CDAN1: variants seen among roughly 807,000 people sequenced by gnomAD.
CDAN1 encodes codanin-1.
A neutral mutation model predicts 139.8 loss-of-function variants in CDAN1; 107 were observed. That is an observed-to-expected ratio of 0.77 (90% confidence interval 0.65 to 0.90). The LOEUF (loss-of-function observed/expected upper bound fraction) is 0.90, where lower values mean the gene tolerates loss of function less well. CDAN1 is among the 40% of genes least tolerant of loss of function. The probability of loss-of-function intolerance (pLI) is 0.00; values close to 1 mark genes in which losing one functional copy is unlikely to be tolerated. For synonymous variants in CDAN1, 776 were observed against 660.6 expected (o/e 1.17, Z -2.68); for missense variants, 1,667 against 1,575.7 (o/e 1.06, Z -0.98).
intron 25 of CDAN1, 111 bp downstream of exon 25, chr15:42,725,975 CAAAAAAAAAAA>C (rs886492399): frequency 1.2e-4 from 42 of 354,188 alleles, no homozygotes; most frequent in Middle Eastern, 7.3e-4. Flanking sequence ...GATTCCGTCT[CAAAAAAAAAAA>C]AAAAAAAAAA....
intron 25 of CDAN1, 45 bp downstream of exon 25, chr15:42,726,052 T>G: frequency 6.5e-7 from 1 of 1,542,356 alleles, no homozygotes; most frequent in Non-Finnish European, 9.0e-7. Context: ...ACCCTGAGAT[T>G]TGGGGGATCA....
chr15:42,734,129 A>C (rs1169513542), intron 7 of CDAN1, 82 bp from the exon 8 acceptor site: 1 of 1,601,524 alleles, frequency 6.2e-7, no homozygotes, highest in Non-Finnish European at 8.6e-7. Flanking sequence ...GAGTTAGCTC[A>C]CATTACACTG....
At position 42,736,536 on chromosome 15, in the gene CDAN1, T is replaced by C; in HGVS notation, c.335A>G (p.Glu112Gly). ...PPTEAQSTAA[E>G]APLARRGGRR... Reference sequence around the variant, plus strand: ...GCCCCCGCGGCGGGCCAGAGGGGCCTCGGCAGCGGTGCTCTGGGCCTCGGT... The same window carrying C: ...GCCCCCGCGGCGGGCCAGAGGGGCCCCGGCAGCGGTGCTCTGGGCCTCGGT... The change falls in exon 2 of 28, where the codon GAG (glutamate) becomes GGG (glycine). Residue 112 changes from glutamate (E) to glycine (G), a missense_variant. Physicochemically the swap from Glu to Gly is moderately conservative, Grantham distance 98. Coordinates refer to ENST00000356231, the MANE Select transcript of CDAN1 (RefSeq NM_138477.4). 1 of 1,457,472 alleles carries C rather than the reference T, an allele frequency of 6.9e-7. No homozygotes were observed. The highest frequency in any genetic ancestry group is 9.0e-7 in the Non-Finnish European group (1 of 1,106,676). 90.3% of individuals were successfully genotyped at this position (1,457,472 alleles called of 1,614,324 possible). A position where few individuals can be genotyped will look rare whatever the true frequency, so the allele number is the denominator to read the frequency against.
chr15:42,724,911 A>G (rs2061502528), intron 27 of CDAN1: 1 of 618,328 alleles, frequency 1.6e-6, no homozygotes, highest in Non-Finnish European at 2.8e-6. Flanking sequence ...CTAATTTTAA[A>G]AACCCATATA....
At chr15:42,728,292 T>C in intron 20 of CDAN1, 25 bp from the exon 21 acceptor site, 1 of 1,612,308 alleles carries the variant, frequency 6.2e-7, no homozygotes, top group Non-Finnish European at 8.5e-7. Flanking sequence ...ATGGGGTCAG[T>C]GATCTCTGGG....
rs1158065486 is a variant in CDAN1, at chr15:42,729,689, G to A, written c.2353-67C>T. On this transcript the variant is annotated intron_variant, in intron 16 of 27. Transcript: ENST00000356231. Reference sequence around the variant, plus strand: ...AGCGCACCCAGAAAGCAGGCAGTTGGCAGGGCCTTTACAAGGGTTACATCT... The same window carrying A: ...AGCGCACCCAGAAAGCAGGCAGTTGACAGGGCCTTTACAAGGGTTACATCT... 3.8e-6 allele frequency: 6 copies of A among 1,599,722 alleles called. No homozygotes were observed. In the East Asian group the frequency reaches 1.1e-4, roughly 30 times the overall value.
chr15:42,727,193 A>AC (rs1555414458), intron 23 of CDAN1: 1 of 161,854 alleles, frequency 6.2e-6, no homozygotes, highest in Non-Finnish European at 1.3e-5. Context: ...GAGTTTTAAA[A>AC]TAAAGTTAGG....
intron 8 of CDAN1, among the ~76,000 whole-genome samples, chr15:42,733,709 C>T (rs2061646862): frequency 6.6e-6 from 1 of 152,176 alleles, no homozygotes; most frequent in Non-Finnish European, 1.5e-5. Context: ...GCTTGAGAAC[C>T]CTGAGACTAA....
chr15:42,736,429 C>T lies in CDAN1; in HGVS notation c.442G>A (p.Ala148Thr), dbSNP rs1020205987. 1.2e-5 allele frequency: 19 copies of T among 1,600,296 alleles called. No individual in the cohort carries two copies. In the African/African-American group the frequency reaches 2.4e-4, roughly 20 times the overall value. The change falls in exon 2 of 28, where the codon GCC becomes ACC. Residue 148 changes from alanine (A) to threonine (T), a missense_variant. Coordinates refer to ENST00000356231, the MANE Select transcript of CDAN1 (RefSeq NM_138477.4). ...EGVSGESLPGAGGRRLRGSGS... is the reference protein window; with the variant it reads ...EGVSGESLPGTGGRRLRGSGS... ...GAGCCCCTAAGCCTCCGGCCCCCGGCTCCGGGCAGGCTCTCCCCGCTGACC... is the reference window on the plus strand; with the variant it reads ...GAGCCCCTAAGCCTCCGGCCCCCGGTTCCGGGCAGGCTCTCCCCGCTGACC...
intron 8 of CDAN1, 125 bp from the exon 9 acceptor site, chr15:42,733,311 G>A (rs1030896655): frequency 1.3e-6 from 1 of 779,920 alleles, no homozygotes; most frequent in Non-Finnish European, 2.2e-6. Flanking sequence ...TCTTGCTCTT[G>A]TCACTCAGGC....
chr15:42,732,083 T>C (rs2061620541), intron 10 of CDAN1, among the ~76,000 whole-genome samples: 1 of 152,196 alleles, frequency 6.6e-6, no homozygotes. Context: ...CTGGGCTCTT[T>C]ACCACAGCAC....
chr15:42,736,975 G>A (rs1475168318), intron 1 of CDAN1, 38 bp downstream of exon 1: 8 of 1,530,048 alleles, frequency 5.2e-6, no homozygotes, highest in Non-Finnish European at 7.1e-6. Context: ...GCGGGAACCG[G>A]CTTCGAGTCA....
At position 42,724,446 on chromosome 15, in the gene CDAN1, T is replaced by G. The variant is rs774247916; in HGVS notation, c.*45A>C. The G allele has an allele frequency of 2.6e-6, 4 of 1,561,046 alleles. No homozygotes were observed. In the African/African-American group the frequency reaches 5.4e-5, roughly 21 times the overall value. ...CTTGGGCCTCCTCGTGAGGCGGGGGTCCAGGGTTCTGGTGCAATGCCCAAG... is the reference window on the plus strand; with the variant it reads ...CTTGGGCCTCCTCGTGAGGCGGGGGGCCAGGGTTCTGGTGCAATGCCCAAG... On this transcript the variant is annotated 3_prime_UTR_variant, in exon 28 of 28. Transcript: ENST00000356231.
Position 42,725,618 on chromosome 15 carries a change from T to C in CDAN1, c.3321A>G (p.Arg1107=). ...TGTGCAGAAGCCTTCGAGCCTGCCC[T>C]CTCTCCAGCCTGTACTGTGCCGGGG... ...LGPPAQYRLE[R]GQARRLLHML... Residue 1107 remains arginine (R), a synonymous_variant, in exon 26 of 28, where the codon AGA becomes AGG. Transcript: ENST00000356231. 9 of 1,614,108 alleles carry C rather than the reference T, an allele frequency of 5.6e-6. No homozygotes were observed. The highest frequency in any genetic ancestry group is 7.6e-6 in the Non-Finnish European group (9 of 1,180,008).
In CDAN1 at chr15:42,724,572, G is replaced by A. The variant is rs573902123; in HGVS notation, c.3603C>T (p.Ala1201=). 17 of 1,553,364 alleles carry A rather than the reference G, an allele frequency of 1.1e-5. No homozygotes were observed. In the East Asian group the frequency reaches 1.7e-4, roughly 16 times the overall value. ...GCTGGGGTTCTGGCAGGTGGGGCTC[G>A]GCTAGAAACAGATTAGACAGTGTTG... is the stretch of plus-strand genomic sequence containing the variant. ...ELATLSNLFL[A]EPHLPEPQLR... The change falls in exon 28 of 28, where the codon GCC becomes GCT. Residue 1201 remains alanine (A), a synonymous_variant. Transcript: ENST00000356231.
At position 42,731,049 on chromosome 15, in the gene CDAN1, AC is replaced by A; in HGVS notation, c.1882del (p.Val628TrpfsTer6). 2 of 1,614,186 alleles carry A rather than the reference AC, an allele frequency of 1.2e-6. No individual in the cohort carries two copies. Among genetic ancestry groups the A allele is most frequent in the Non-Finnish European group, 1.7e-6 (2 of 1,180,024 alleles). On this transcript the variant is annotated frameshift_variant, in exon 13 of 28. Transcript: ENST00000356231. LOFTEE classifies it high-confidence loss of function. ...CAAAAGTCTCAGGCTAAGAAGCACC[AC>A]AGCAAATTGCTTCCGCTCACCCTGC... ...DWQGERKQFA[V>X]VLLSLRLLAK...
At chr15:42,732,991 G>T in intron 9 of CDAN1, 106 bp downstream of exon 9, 2 of 889,052 alleles carry the variant, frequency 2.2e-6, no homozygotes, top group Non-Finnish European at 1.8e-6. Flanking sequence ...AACAGCTAAT[G>T]GCTGGTAGGA....
Position 42,727,592 on chromosome 15 carries a change from AAGCCAAAGGGAGTAGGGT to A in CDAN1, c.3096+11_3096+28del, listed in dbSNP as rs762364695. On this transcript the variant is annotated intron_variant, in intron 23 of 27. Transcript: ENST00000356231. ...ACAGAGCAGGGGGGTGGGAGCAGGGAAGCCAAAGGGAGTAGGGTAGCCGTGTACTTTTATCTCGGAGAT... is the reference window on the plus strand; with the variant it reads ...ACAGAGCAGGGGGGTGGGAGCAGGGAAGCCGTGTACTTTTATCTCGGAGAT... 4 of 1,510,688 alleles carry A rather than the reference AAGCCAAAGGGAGTAGGGT, an allele frequency of 2.6e-6. No homozygotes were observed. Among genetic ancestry groups the A allele is most frequent in the African/African-American group, 2.8e-5 (2 of 72,120 alleles). 93.6% of individuals were successfully genotyped at this position (1,510,688 alleles called of 1,614,324 possible).
In CDAN1 at chr15:42,736,385, G is replaced by T. The variant is rs762174179; in HGVS notation, c.486C>A (p.Pro162=). ...RLRGSGSPSR[P]SLTLSDPPNL... ...TTGGCGGATCAGACAGCGTGAGGCTGGGGCGGCTGGGGCTGCCAGAGCCCC... is the reference window on the plus strand; with the variant it reads ...TTGGCGGATCAGACAGCGTGAGGCTTGGGCGGCTGGGGCTGCCAGAGCCCC... The change falls in exon 2 of 28, where the codon CCC becomes CCA. Residue 162 remains proline (P), a synonymous_variant. Transcript: ENST00000356231. 22 of 1,612,790 alleles carry T rather than the reference G, an allele frequency of 1.4e-5. No individual in the cohort carries two copies. The South Asian group carries it at 2.4e-4, about 18-fold the overall frequency.
Sources: gnomAD v4.1 joint callset for allele counts (sites outside exome capture counted in the v4.1 genomes callset) on GRCh38, gnomAD v4.1.1 for gene constraint, MANE v1.5 for transcripts, NCBI Gene and HGNC (gene_info 2026-07-23, HGNC 2026-07-21) for gene names.